Variants in ATP9B observed in about 807,000 individuals in gnomAD.
ATP9B encodes the protein ATPase phospholipid transporting 9B.
ATP9B carries 110 observed loss-of-function variants against 146.1 expected under a neutral mutation model. The observed-to-expected ratio is 0.75, with a 90% CI of 0.65 to 0.88. ATP9B has a LOEUF of 0.88. ATP9B is among the 40% of genes least tolerant of loss of function. The pLI is 0.00. For synonymous variants in ATP9B, 604 were observed against 569.7 expected (o/e 1.06, Z -0.86); for missense variants, 1,499 against 1,496.4 (o/e 1.00, Z -0.03).
intron 24 of ATP9B, 77 bp from the exon 25 acceptor site, chr18:79,348,055 C>T (rs1211542187): frequency 1.2e-6 from 2 of 1,600,480 alleles, no homozygotes; most frequent in Admixed American, 1.7e-5. Flanking sequence ...TAGGAGTTAG[C>T]GAGGCCCCTG....
intron 4 of ATP9B, among the ~76,000 whole-genome samples, chr18:79,120,632 A>T (rs2094172020): frequency 6.6e-6 from 1 of 152,210 alleles, no homozygotes; most frequent in African/African-American, 2.4e-5. Context: ...AAGCTTGTGT[A>T]ATCAGAGTAA....
chr18:79,198,720 A>C (rs1001762095), intron 9 of ATP9B, among the ~76,000 whole-genome samples: 1 of 152,188 alleles, frequency 6.6e-6, no homozygotes, highest in Non-Finnish European at 1.5e-5. Flanking sequence ...TACAGTAAAA[A>C]ATGCTGTATA....
At chr18:79,209,151 C>A (rs553459653) in intron 10 of ATP9B, among the ~76,000 whole-genome samples, 1 of 152,296 alleles carries the variant, frequency 6.6e-6, no homozygotes, top group East Asian at 1.9e-4. Context: ...GCACAGGGAC[C>A]AGAATGGAGT....
At chr18:79,283,330 A>C (rs1211363782) in intron 13 of ATP9B, among the ~76,000 whole-genome samples, 1 of 152,198 alleles carries the variant, frequency 6.6e-6, no homozygotes. Context: ...GATATCTTCC[A>C]AGTGCCTTGA....
intron 8 of ATP9B, among the ~76,000 whole-genome samples, chr18:79,188,171 C>T (rs1460399005): frequency 6.6e-6 from 1 of 152,062 alleles, no homozygotes; most frequent in Non-Finnish European, 1.5e-5. Context: ...AGAATAAATT[C>T]AGATGTCTAA....
Position 79,090,795 on chromosome 18 carries a change from G to A in ATP9B, c.120-5681G>A, listed in dbSNP as rs115002568. Among the ~76,000 whole-genome samples, 756 of 152,094 alleles carry A rather than the reference G, an allele frequency of 5.0e-3. 5 individuals carry two copies. The highest frequency in any genetic ancestry group is 0.025 in the South Asian group (120 of 4,814). The stretch of plus-strand genomic sequence containing the variant: ...AAACTTTTTAACTTGATGCTATCTC[G>A]TTTGTCCATGTTTGCTTTAGTTGCC... On this transcript the variant is annotated intron_variant, in intron 1 of 29. Transcript: ENST00000426216.
chr18:79,228,754 A>G (rs11081524), intron 11 of ATP9B, among the ~76,000 whole-genome samples: 119,983 of 152,116 alleles, frequency 0.79, 47,722 homozygotes, highest in African/African-American at 0.86. Context: ...AGCTGGCTGG[A>G]CATGGTTCGC....
chr18:79,285,243 T>G (rs1309731438), intron 13 of ATP9B, among the ~76,000 whole-genome samples: 9 of 151,708 alleles, frequency 5.9e-5, no homozygotes, highest in African/African-American at 7.3e-5. Flanking sequence ...ACCAACAGTG[T>G]AAAAGTGTTC....
chr18:79,119,253 G>A (rs933879513), intron 4 of ATP9B, among the ~76,000 whole-genome samples: 1 of 152,070 alleles, frequency 6.6e-6, no homozygotes, highest in African/African-American at 2.4e-5. Flanking sequence ...CCTTTTGATG[G>A]TTCTTTCTGA....
intron 1 of ATP9B, among the ~76,000 whole-genome samples, chr18:79,086,789 G>T (rs1209499982): frequency 1.3e-5 from 2 of 152,152 alleles, no homozygotes; most frequent in African/African-American, 4.8e-5. Flanking sequence ...CAAGGTTATT[G>T]TATATATGAT....
chr18:79,181,913 C>A (rs1375105068), intron 8 of ATP9B, among the ~76,000 whole-genome samples: 2 of 151,952 alleles, frequency 1.3e-5, no homozygotes, highest in Admixed American at 6.6e-5. Flanking sequence ...ATTTTTTGGC[C>A]CTCGTTATAG....
At chr18:79,117,076 A>G (rs1472724661) in intron 4 of ATP9B, 1 of 152,164 alleles carries the variant, frequency 6.6e-6, no homozygotes, top group Non-Finnish European at 1.5e-5. Context: ...AATACTGTGT[A>G]GCTTTAAAAA....
chr18:79,078,114 G>A lies in ATP9B; in HGVS notation c.119+8585G>A, dbSNP rs137920135. 4.9e-3 allele frequency: 745 copies of A among 152,506 alleles called. 5 individuals carry two copies. The highest frequency in any genetic ancestry group is 0.024 in the South Asian group (117 of 4,822). The allele number at this position is 152,506 out of a possible 1,614,324, so 9.4% of individuals were successfully genotyped here. On this transcript the variant is annotated intron_variant, in intron 1 of 29. Coordinates refer to ENST00000426216, the MANE Select transcript of ATP9B (RefSeq NM_198531.5). ...GAGAGTGTCTTCCTACGGCTGGGGC[G>A]TGTGGGAGTCCAGGCTTCACGCACT...
At position 79,377,483 on chromosome 18, in the gene ATP9B, C is replaced by A. The variant is rs2097108861; in HGVS notation, c.*100C>A. The A allele has an allele frequency of 7.0e-7, 1 of 1,431,990 alleles. No homozygotes were observed. 88.7% of individuals were successfully genotyped at this position (1,431,990 alleles called of 1,614,324 possible). ...CGCAGGGTTTGCCATTGCTACCAAGCAAGCACCACAAGAAAGGGAGGGTAC... is the reference window on the plus strand; with the variant it reads ...CGCAGGGTTTGCCATTGCTACCAAGAAAGCACCACAAGAAAGGGAGGGTAC... On this transcript the variant is annotated 3_prime_UTR_variant, in exon 30 of 30. Coordinates refer to ENST00000426216, the MANE Select transcript of ATP9B (RefSeq NM_198531.5).
chr18:79,153,865 C>G (rs1219438278), intron 6 of ATP9B, among the ~76,000 whole-genome samples: 1 of 151,690 alleles, frequency 6.6e-6, no homozygotes, highest in Non-Finnish European at 1.5e-5. Flanking sequence ...CTCGTCTGGT[C>G]TCAAACTCCT....
Position 79,352,201 on chromosome 18 carries a change from G to T in ATP9B, c.2903+4005G>T, listed in dbSNP as rs375554306. Among the ~76,000 whole-genome samples, 170 of 152,362 alleles carry T rather than the reference G, an allele frequency of 1.1e-3. 2 individuals carry two copies. Among genetic ancestry groups the T allele is most frequent in the African/African-American group, 3.9e-3 (161 of 41,592 alleles). ...TCATAGCAGCCATTCCTGGGTGTGG[G>T]TCTTCTTTTACCCTTGCTAGTGACT... On this transcript the variant is annotated intron_variant, in intron 25 of 29. Coordinates refer to ENST00000426216, the MANE Select transcript of ATP9B (RefSeq NM_198531.5).
chr18:79,218,303 T>A (rs116536640), intron 11 of ATP9B, among the ~76,000 whole-genome samples: 2,333 of 150,974 alleles, frequency 0.015, 46 homozygotes, highest in African/African-American at 0.055. Context: ...GGCTGGCAGC[T>A]CCTGCTGGTC....
chr18:79,076,961 A>G (rs775299619), intron 1 of ATP9B, among the ~76,000 whole-genome samples: 1 of 152,016 alleles, frequency 6.6e-6, no homozygotes, highest in Non-Finnish European at 1.5e-5. Flanking sequence ...CAAAATTTCC[A>G]GTTGATTCTT....
intron 11 of ATP9B, among the ~76,000 whole-genome samples, chr18:79,231,540 G>A (rs2095791484): frequency 6.6e-6 from 1 of 152,074 alleles, no homozygotes; most frequent in Non-Finnish European, 1.5e-5. Context: ...CTGCTGGTGG[G>A]AATGTAAACT....
Sources: allele counts gnomAD v4.1 joint callset (sites outside exome capture counted in the v4.1 genomes callset), GRCh38; gene constraint gnomAD v4.1.1; transcripts MANE v1.5; gene names NCBI Gene and HGNC (gene_info 2026-07-23, HGNC 2026-07-21).